Variants in GPR39 observed in about 807,000 individuals in gnomAD.
The protein encoded by GPR39 is zinc sensing receptor.
GPR39 carries 23 observed loss-of-function variants against 18.4 expected under a neutral mutation model. The observed-to-expected ratio is 1.25, with a 90% CI of 0.90 to 1.77. The LOEUF is 1.77. GPR39 is among the 40% of genes most tolerant of loss of function. The pLI is 0.00. For synonymous variants in GPR39, 280 were observed against 257.9 expected (o/e 1.09, Z -0.82); for missense variants, 647 against 602.4 (o/e 1.07, Z -0.78).
intron 1 of GPR39, among the ~76,000 whole-genome samples, chr2:132,509,136 A>G (rs1015242007): frequency 6.6e-6 from 1 of 152,192 alleles, no homozygotes; most frequent in African/African-American, 2.4e-5. Context: ...CCCCAGCATG[A>G]CTTATTCCCT....
chr2:132,537,494 C>T (rs1359255728), intron 1 of GPR39, among the ~76,000 whole-genome samples: 1 of 140,638 alleles, frequency 7.1e-6, no homozygotes, highest in African/African-American at 2.6e-5. Flanking sequence ...TGTGGCTTCC[C>T]TTAACATTTT....
In GPR39 at chr2:132,545,524, C is replaced by G. The variant is rs1315246644; in HGVS notation, c.857-99577C>G. On this transcript the variant is annotated intron_variant, in intron 1 of 1. Transcript: ENST00000329321. ...AGTTAAAAAATAAATCCTACATTCA[C>G]TCACCAAACACTTACTAATGCTAAG... is the stretch of plus-strand genomic sequence containing the variant. Among the ~76,000 whole-genome samples the G allele has an allele frequency of 4.6e-5, 7 of 152,216 alleles. No homozygotes were observed. The East Asian group carries it at 1.3e-3, about 29-fold the overall frequency.
At chr2:132,613,445 G>A (rs1053231920) in intron 1 of GPR39, among the ~76,000 whole-genome samples, 1 of 152,196 alleles carries the variant, frequency 6.6e-6, no homozygotes, top group African/African-American at 2.4e-5. Flanking sequence ...CCTTCAGGAT[G>A]ATTTCCTTGG....
At chr2:132,532,039 C>CA (rs1391122487) in intron 1 of GPR39, among the ~76,000 whole-genome samples, 13 of 152,010 alleles carry the variant, frequency 8.6e-5, no homozygotes, top group African/African-American at 2.7e-4. Flanking sequence ...AAAAACCCTT[C>CA]AAAAAATCAA....
chr2:132,642,894 CTT>C (rs1234834496), intron 1 of GPR39, among the ~76,000 whole-genome samples: 1 of 151,956 alleles, frequency 6.6e-6, no homozygotes, highest in Non-Finnish European at 1.5e-5. Context: ...AAATGCAAAA[CTT>C]TGTGAAAATA....
At chr2:132,580,772 G>A (rs550616319) in intron 1 of GPR39, among the ~76,000 whole-genome samples, 1 of 152,020 alleles carries the variant, frequency 6.6e-6, no homozygotes, top group African/African-American at 2.4e-5. Flanking sequence ...GAGCAGCCTG[G>A]TCAACTTGGT....
intron 1 of GPR39, among the ~76,000 whole-genome samples, chr2:132,530,074 G>A (rs566221321): frequency 1.5e-4 from 23 of 152,054 alleles, no homozygotes; most frequent in Admixed American, 9.8e-4. Context: ...GAGGAAGTTC[G>A]AACCAATGGC....
chr2:132,472,737 A>T (rs1681055628), intron 1 of GPR39, among the ~76,000 whole-genome samples: 1 of 152,126 alleles, frequency 6.6e-6, no homozygotes, highest in Non-Finnish European at 1.5e-5. Context: ...ATACCACTTT[A>T]ATCATATAAT....
chr2:132,497,493 G>GAGC (rs1247028721), intron 1 of GPR39, among the ~76,000 whole-genome samples: 8 of 152,136 alleles, frequency 5.3e-5, no homozygotes, highest in African/African-American at 1.9e-4. Context: ...CTTCAATTGA[G>GAGC]AGCAGAGGAT....
chr2:132,479,437 A>G (rs1044189178), intron 1 of GPR39, among the ~76,000 whole-genome samples: 3 of 152,196 alleles, frequency 2.0e-5, no homozygotes, highest in Non-Finnish European at 4.4e-5. Flanking sequence ...TACTTGGAGG[A>G]TGATGAAGCA....
At position 132,480,805 on chromosome 2, in the gene GPR39, G is replaced by A. The variant is rs1681219372; in HGVS notation, c.856+62907G>A. Among the ~76,000 whole-genome samples the A allele has an allele frequency of 2.0e-5, 3 of 152,332 alleles. No homozygotes were observed. The South Asian group carries it at 6.2e-4, about 32-fold the overall frequency. On this transcript the variant is annotated intron_variant, in intron 1 of 1. Transcript: ENST00000329321. The stretch of plus-strand genomic sequence containing the variant: ...GGTCTAATTATACTGTGTGCTAAGA[G>A]CTGTTGGAAGCTCTTTTTTGTTTGT...
intron 1 of GPR39, among the ~76,000 whole-genome samples, chr2:132,503,547 C>T (rs976016375): frequency 6.6e-6 from 1 of 152,178 alleles, no homozygotes; most frequent in African/African-American, 2.4e-5. Context: ...GTTGGTTGGC[C>T]TCCAGCCAGG....
chr2:132,473,362 C>T (rs977277696), intron 1 of GPR39, among the ~76,000 whole-genome samples: 4 of 152,158 alleles, frequency 2.6e-5, no homozygotes, highest in African/African-American at 7.2e-5. Flanking sequence ...CCACTTCCTG[C>T]TCCCCCATGC....
intron 1 of GPR39, among the ~76,000 whole-genome samples, chr2:132,528,267 C>T (rs1462097204): frequency 6.6e-6 from 1 of 152,098 alleles, no homozygotes; most frequent in East Asian, 1.9e-4. Context: ...TCTGAGTTCT[C>T]TGCTCTGTTC....
At chr2:132,572,574 TAAAAG>T (rs1465196470) in intron 1 of GPR39, among the ~76,000 whole-genome samples, 18 of 151,926 alleles carry the variant, frequency 1.2e-4, no homozygotes, top group East Asian at 9.7e-4. Context: ...AACTAGATCT[TAAAAG>T]AGAGGAGGCA....
At chr2:132,609,538 T>C (rs888442055) in intron 1 of GPR39, among the ~76,000 whole-genome samples, 2 of 152,184 alleles carry the variant, frequency 1.3e-5, no homozygotes, top group African/African-American at 4.8e-5. Context: ...CTATTCTAGA[T>C]GGCTTCCTAG....
intron 1 of GPR39, among the ~76,000 whole-genome samples, chr2:132,558,575 G>T (rs55649930): frequency 4.2e-4 from 64 of 152,308 alleles, no homozygotes; most frequent in Admixed American, 7.8e-4. Flanking sequence ...AGCATTTTAA[G>T]TGGTAGCATT....
chr2:132,499,369 A>G (rs998555022), intron 1 of GPR39, among the ~76,000 whole-genome samples: 1 of 152,146 alleles, frequency 6.6e-6, no homozygotes, highest in Non-Finnish European at 1.5e-5. Context: ...AGTCGGCTGT[A>G]AGCATTTGGC....
In GPR39 at chr2:132,646,238, A is replaced by G; in HGVS notation, c.*632A>G. On this transcript the variant is annotated 3_prime_UTR_variant, in exon 2 of 2. Transcript: ENST00000329321. ...GGACTGGTACCCGGCAGAGGCGATG[A>G]GACAGGCCGCTGATGATGCACAGGA... 6.3e-7 allele frequency: 1 copy of G among 1,584,824 alleles called. No individual in the cohort carries two copies. The highest frequency in any genetic ancestry group is 1.2e-5 in the South Asian group (1 of 86,666).
Sources: gnomAD v4.1 joint callset for allele counts (sites outside exome capture counted in the v4.1 genomes callset) on GRCh38, gnomAD v4.1.1 for gene constraint, MANE v1.5 for transcripts, NCBI Gene and HGNC (gene_info 2026-07-23, HGNC 2026-07-21) for gene names.